TTC17: variants seen among roughly 807,000 people sequenced by gnomAD.
The protein encoded by TTC17 is tetratricopeptide repeat protein 17.
Under a neutral mutation model 143.8 loss-of-function variants are expected in TTC17, and 58 were observed. That is an observed-to-expected ratio of 0.40 (90% CI 0.33 to 0.50). The LOEUF is 0.50. Ranked by LOEUF, TTC17 falls within the 20% of genes least tolerant of loss-of-function variation. The probability of loss-of-function intolerance (pLI) is 0.49; values close to 1 mark genes in which losing one functional copy is unlikely to be tolerated. For missense variants in TTC17, 1,273 were observed against 1,392.5 expected (o/e 0.91, Z 1.37); for synonymous variants, 501 against 497.8 (o/e 1.01, Z -0.09).
intron 16 of TTC17, among the ~76,000 whole-genome samples, chr11:43,425,622 A>G (rs1046118625): frequency 4.6e-5 from 7 of 152,184 alleles, no homozygotes; most frequent in South Asian, 2.1e-4. Flanking sequence ...TTTAAAACAC[A>G]TAAGACTGAG....
rs1316997120 is a variant in TTC17, at chr11:43,492,129, A to G, written c.3260A>G (p.Asn1087Ser). ...AVEIAPHFAV[N>S]HFTLGNVYVA... Reference sequence around the variant, plus strand: ...GAGATCGCACCACACTTTGCTGTGAACCACTTCACTCTGGGCAATGTCTAC... The same window carrying G: ...GAGATCGCACCACACTTTGCTGTGAGCCACTTCACTCTGGGCAATGTCTAC... Residue 1087 changes from asparagine to serine, a missense_variant, in exon 23 of 24, where the codon AAC becomes AGC. By Grantham distance (46) the Asn-to-Ser change is conservative. Coordinates refer to ENST00000039989, the MANE Select transcript of TTC17 (RefSeq NM_018259.6). 6 of 1,614,096 alleles carry G rather than the reference A, an allele frequency of 3.7e-6. No individual in the cohort carries two copies. The Admixed American group carries it at 8.3e-5, about 22-fold the overall frequency.
intron 1 of TTC17, among the ~76,000 whole-genome samples, chr11:43,366,348 A>G (rs1400628024): frequency 2.0e-5 from 3 of 151,870 alleles, no homozygotes; most frequent in Non-Finnish European, 2.9e-5. Context: ...CTACTAAAAT[A>G]CCAAAAAATT....
At chr11:43,433,225 T>C (rs111478289) in intron 16 of TTC17, among the ~76,000 whole-genome samples, 12,680 of 152,222 alleles carry the variant, frequency 0.083, 879 homozygotes, top group Admixed American at 0.23. Context: ...GGTCTCGATC[T>C]CTTGACCTCG....
At chr11:43,486,243 AAAAT>A (rs1171486219) in intron 21 of TTC17, among the ~76,000 whole-genome samples, 7 of 152,204 alleles carry the variant, frequency 4.6e-5, no homozygotes, top group Non-Finnish European at 1.0e-4. Context: ...GAAAATTCCA[AAAAT>A]AAATATAAGT....
chr11:43,472,446 A>G (rs1948109606), intron 21 of TTC17, among the ~76,000 whole-genome samples: 1 of 152,362 alleles, frequency 6.6e-6, no homozygotes, highest in East Asian at 1.9e-4. Context: ...GCATTACTAC[A>G]GTTAAAGACA....
intron 21 of TTC17, among the ~76,000 whole-genome samples, chr11:43,466,037 T>C (rs1947965625): frequency 6.6e-6 from 1 of 152,168 alleles, no homozygotes; most frequent in Non-Finnish European, 1.5e-5. Context: ...ATACATCTAA[T>C]AAAGGGTTAA....
intron 16 of TTC17, among the ~76,000 whole-genome samples, chr11:43,420,554 A>G (rs923704253): frequency 4.6e-5 from 7 of 152,182 alleles, no homozygotes; most frequent in African/African-American, 1.7e-4. Flanking sequence ...TTTACGTGGA[A>G]GATGTTATGC....
intron 2 of TTC17, among the ~76,000 whole-genome samples, chr11:43,389,335 G>A (rs1415539561): frequency 6.6e-6 from 1 of 152,176 alleles, no homozygotes; most frequent in Non-Finnish European, 1.5e-5. Flanking sequence ...AACCTGACAG[G>A]TTTGTTTTCA....
intron 21 of TTC17, among the ~76,000 whole-genome samples, chr11:43,475,746 G>C (rs1948173113): frequency 6.6e-6 from 1 of 152,158 alleles, no homozygotes; most frequent in African/African-American, 2.4e-5. Context: ...CAAAAAGTTT[G>C]GGATTTTGGA....
rs757926944 is a variant in TTC17 at position 43,405,836 on chromosome 11, C to T, written c.1646C>T (p.Thr549Ile). The change falls in exon 13 of 24, where the codon ACC becomes ATC. Residue 549 changes from threonine (T) to isoleucine (I), a missense_variant. This residue lies in a region of TTC17 where 878 missense variants were observed against 899.8 expected (regional missense o/e 0.98). Coordinates refer to ENST00000039989, the MANE Select transcript of TTC17 (RefSeq NM_018259.6). The part of the protein sequence containing the change: ...DDYSTEEEAQ[T>I]PDCSITDFRK... ...TATTCTACAGAAGAAGAGGCCCAAACCCCTGACTGTTCCATAACTGACTTC... is the reference window on the plus strand; with the variant it reads ...TATTCTACAGAAGAAGAGGCCCAAATCCCTGACTGTTCCATAACTGACTTC... 261 of 1,613,910 alleles carry T rather than the reference C, an allele frequency of 1.6e-4. No homozygotes were observed. Among genetic ancestry groups the T allele is most frequent in the Admixed American group, 5.8e-4 (35 of 59,978 alleles).
chr11:43,471,355 G>A (rs930041471), intron 21 of TTC17, among the ~76,000 whole-genome samples: 3 of 152,326 alleles, frequency 2.0e-5, no homozygotes, highest in Admixed American at 6.5e-5. Context: ...AGAGCCAGCC[G>A]TCTGCTCCAC....
intron 21 of TTC17, among the ~76,000 whole-genome samples, chr11:43,452,507 T>TAATGAATG (rs559203246): frequency 6.7e-6 from 1 of 148,724 alleles, no homozygotes; most frequent in Non-Finnish European, 1.5e-5. Context: ...TCTCAATAAA[T>TAATGAATG]AATGAATGAA....
intron 1 of TTC17, among the ~76,000 whole-genome samples, chr11:43,364,775 T>C (rs2134433937): frequency 6.6e-6 from 1 of 152,290 alleles, no homozygotes; most frequent in Admixed American, 6.5e-5. Flanking sequence ...CTTTAAATAA[T>C]TTTCCCACTT....
intron 18 of TTC17, chr11:43,447,453 G>C (rs535071967): frequency 6.6e-6 from 1 of 152,386 alleles, no homozygotes. Context: ...ACTGGGTGTG[G>C]ACATTTGGCA....
At chr11:43,413,734 C>T (rs1264929935) in intron 15 of TTC17, among the ~76,000 whole-genome samples, 7 of 150,400 alleles carry the variant, frequency 4.7e-5, no homozygotes, top group African/African-American at 1.7e-4. Flanking sequence ...AACATTATTA[C>T]TCATCATGGA....
intron 15 of TTC17, among the ~76,000 whole-genome samples, chr11:43,408,573 C>T (rs1324465171): frequency 6.6e-6 from 1 of 152,148 alleles, no homozygotes; most frequent in Non-Finnish European, 1.5e-5. Flanking sequence ...TTACTGTTTT[C>T]AGCCAAGGGA....
chr11:43,376,175 C>T (rs1376234245), intron 1 of TTC17, among the ~76,000 whole-genome samples: 4 of 152,126 alleles, frequency 2.6e-5, no homozygotes, highest in African/African-American at 9.7e-5. Flanking sequence ...CTTGTACTTA[C>T]ATAATGTATT....
chr11:43,436,166 A>G, intron 16 of TTC17: 1 of 1,391,020 alleles, frequency 7.2e-7, no homozygotes, highest in Non-Finnish European at 9.3e-7. Flanking sequence ...TCATTGAGGT[A>G]ATTGTCATGA....
intron 1 of TTC17, 127 bp downstream of exon 1, chr11:43,359,240 C>A: frequency 8.2e-7 from 1 of 1,216,486 alleles, no homozygotes; most frequent in Non-Finnish European, 1.1e-6. Context: ...GAGGTGGCAC[C>A]GCGACCTCGG....
Sources: gnomAD v4.1 joint callset for allele counts (sites outside exome capture counted in the v4.1 genomes callset) on GRCh38, gnomAD v4.1.1 for gene constraint, gnomAD v4.1.1 regional missense constraint, MANE v1.5 for transcripts, NCBI Gene and HGNC (gene_info 2026-07-23, HGNC 2026-07-21) for gene names.